Variants in DDX46 observed in about 807,000 individuals in gnomAD.
The protein encoded by DDX46 is probable ATP-dependent RNA helicase DDX46.
DDX46 carries 30 observed loss-of-function variants against 134.9 expected under a neutral mutation model. The ratio of observed to expected loss-of-function variants is 0.22; its 90% CI spans 0.17 to 0.30. The LOEUF is 0.30. Among genes scored for constraint, DDX46 ranks in the 10% least tolerant of loss-of-function variants. The probability of loss-of-function intolerance (pLI) is 1.00; values close to 1 mark genes in which losing one functional copy is unlikely to be tolerated. For synonymous variants in DDX46, 415 were observed against 404.1 expected, an observed-to-expected ratio of 1.03 and a Z score of -0.32; for missense variants, 622 against 1,248.7, an observed-to-expected ratio of 0.50 and a Z score of 7.56.
intron 15 of DDX46, among the ~76,000 whole-genome samples, chr5:134,805,737 T>C (rs149963621): frequency 0.012 from 1,794 of 151,620 alleles, 25 homozygotes; most frequent in African/African-American, 0.041. Flanking sequence ...TTCACCATGT[T>C]GACCAGGCTG....
chr5:134,830,177 AAAAAAAAG>A lies in DDX46; in HGVS notation c.*1482_*1489del, dbSNP rs1340271767. 1.3e-5 allele frequency: 2 copies of A among 151,026 alleles called. No individual in the cohort carries two copies. Among genetic ancestry groups the A allele is most frequent in the Non-Finnish European group, 3.0e-5 (2 of 67,562 alleles). 9.4% of individuals were successfully genotyped at this position (151,026 alleles called of 1,614,324 possible). A position where few individuals can be genotyped will look rare whatever the true frequency, so the allele number is the denominator to read the frequency against. ...ACCACAGATCAAAAATAGAAAAAAA[AAAAAAAAG>A]AAAAAAAGAATGTAAAATTTTAAAA... is the stretch of plus-strand genomic sequence containing the variant. On this transcript the variant is annotated 3_prime_UTR_variant, in exon 23 of 23. Coordinates refer to ENST00000452510, the MANE Select transcript of DDX46 (RefSeq NM_001300860.2).
rs549671678 is a variant in DDX46 at position 134,803,349 on chromosome 5, A to G, written c.1955-4399A>G. ...CAACTGCTTAGATTTTTGCCTCATG[A>G]ATCTGTAGCTTAGGGGTCAGCCAGA... On this transcript the variant is annotated intron_variant, in intron 15 of 22. Coordinates refer to ENST00000452510, the MANE Select transcript of DDX46 (RefSeq NM_001300860.2). Among the ~76,000 whole-genome samples the G allele has an allele frequency of 5.9e-5, 9 of 151,992 alleles. No homozygotes were observed. In the South Asian group the frequency reaches 1.9e-3, roughly 32 times the overall value.
intron 20 of DDX46, among the ~76,000 whole-genome samples, chr5:134,818,304 G>A (rs1216753442): frequency 6.6e-6 from 1 of 151,350 alleles, no homozygotes; most frequent in Non-Finnish European, 1.5e-5. Context: ...ATGTTGGTCA[G>A]GCTGGTCTCG....
At chr5:134,811,901 A>C (rs919763723) in intron 18 of DDX46, 56 bp downstream of exon 18, 39 of 1,567,558 alleles carry the variant, frequency 2.5e-5, no homozygotes, top group African/African-American at 5.5e-5. Context: ...TTTGTACTGG[A>C]GGTCTTGCCA....
intron 5 of DDX46, among the ~76,000 whole-genome samples, chr5:134,775,437 T>G (rs570215186): frequency 6.6e-6 from 1 of 152,162 alleles, no homozygotes; most frequent in South Asian, 2.1e-4. Context: ...ATGTCTTTTT[T>G]TTTTCGCTCT....
intron 3 of DDX46, among the ~76,000 whole-genome samples, 184 bp from the exon 4 acceptor site, chr5:134,770,719 G>C (rs1019620040): frequency 3.2e-4 from 48 of 151,926 alleles, no homozygotes; most frequent in Non-Finnish European, 1.0e-4. Flanking sequence ...GTCTGTGACA[G>C]GAGAATCGCT....
intron 21 of DDX46, chr5:134,826,422 T>A (rs1291185814): frequency 6.6e-6 from 1 of 152,236 alleles, no homozygotes; most frequent in East Asian, 1.9e-4. Flanking sequence ...AGCATGCTTG[T>A]CTTAACTCTG....
In DDX46 at chr5:134,818,906, G is replaced by A; in HGVS notation, c.2879G>A (p.Ser960Asn). The change falls in exon 21 of 23, where the codon AGT becomes AAT. Residue 960 changes from serine to asparagine, a missense_variant. Physicochemically the swap from Ser to Asn is conservative, Grantham distance 46. This residue lies in a region of DDX46 where 76 missense variants were observed against 213.0 expected (regional missense o/e 0.36). Transcript: ENST00000452510. Reference sequence around the variant, plus strand: ...TCTAAGGAAGCTCTGCAGAGAATCAGTGAATACTCTGAAGCCGCAATTACA... The same window carrying A: ...TCTAAGGAAGCTCTGCAGAGAATCAATGAATACTCTGAAGCCGCAATTACA... ...VTSKEALQRI[S>N]EYSEAAITIR... The A allele has an allele frequency of 6.2e-7, 1 of 1,613,910 alleles. No homozygotes were observed. Among genetic ancestry groups the A allele is most frequent in the Non-Finnish European group, 8.5e-7 (1 of 1,179,920 alleles).
intron 15 of DDX46, among the ~76,000 whole-genome samples, chr5:134,798,428 C>T (rs1376107495): frequency 6.6e-6 from 1 of 151,870 alleles, no homozygotes; most frequent in East Asian, 1.9e-4. Context: ...TTCTTGAGCT[C>T]CTGACCTCAG....
intron 18 of DDX46, 113 bp from the exon 19 acceptor site, chr5:134,816,317 C>T (rs1755286927): frequency 1.0e-6 from 1 of 965,158 alleles, no homozygotes; most frequent in Non-Finnish European, 1.5e-6. Context: ...GTAAATATAA[C>T]TATCTGATTC....
At chr5:134,787,774 C>A (rs573567696) in intron 11 of DDX46, among the ~76,000 whole-genome samples, 9 of 152,150 alleles carry the variant, frequency 5.9e-5, no homozygotes, top group African/African-American at 2.2e-4. Flanking sequence ...TTTTGGGAGG[C>A]TGAAATGGAA....
chr5:134,816,946 A>G (rs1755302179), intron 19 of DDX46: 1 of 219,374 alleles, frequency 4.6e-6, no homozygotes, highest in Non-Finnish European at 8.9e-6. Context: ...CCCTGGATAT[A>G]CAAACACCCA....
At chr5:134,810,435 G>A (rs939117784) in intron 16 of DDX46, among the ~76,000 whole-genome samples, 1 of 151,514 alleles carries the variant, frequency 6.6e-6, no homozygotes, top group African/African-American at 2.4e-5. Flanking sequence ...CGTCTCCCAG[G>A]ATCAAGTGAT....
At chr5:134,765,269 G>A (rs1753529875) in intron 2 of DDX46, among the ~76,000 whole-genome samples, 1 of 151,258 alleles carries the variant, frequency 6.6e-6, no homozygotes, top group African/African-American at 2.4e-5. Flanking sequence ...AAGTTGGCCA[G>A]GTATGGTGGC....
chr5:134,761,978 AGGT>A (rs1753400957), intron 1 of DDX46, among the ~76,000 whole-genome samples: 1 of 152,082 alleles, frequency 6.6e-6, no homozygotes. Flanking sequence ...ACATTAGGCC[AGGT>A]GCAGTGGCTC....
At position 134,828,640 on chromosome 5, in the gene DDX46, C is replaced by G; in HGVS notation, c.3052-19C>G. ...TGTTTTGCTTTCTCTGATGACATAT[C>G]TTTTATTTCCTATTACAGCAAAATT... is the stretch of plus-strand genomic sequence containing the variant. On this transcript the variant is annotated intron_variant, in intron 22 of 22. Transcript: ENST00000452510. The G allele has an allele frequency of 7.1e-7, 1 of 1,414,968 alleles. No homozygotes were observed. The highest frequency in any genetic ancestry group is 1.5e-5 in the South Asian group (1 of 64,780). The allele number at this position is 1,414,968 out of a possible 1,614,324, so 87.7% of individuals were successfully genotyped here.
At chr5:134,782,801 A>G (rs147596950) in intron 8 of DDX46, 144 bp from the exon 9 acceptor site, 2 of 992,084 alleles carry the variant, frequency 2.0e-6, no homozygotes, top group African/African-American at 3.3e-5. Context: ...TCTGTCTCCC[A>G]AAGTGCTAGT....
In DDX46 at chr5:134,797,188, A is replaced by AAAAAAC. The variant is rs1561865690; in HGVS notation, c.1954+1043_1954+1044insCAAAAA. ...GTCTCAAAAAAAAAAAAAAAAAAAA[A>AAAAAAC]AAAAAAAAACACAAAACACATGGAA... On this transcript the variant is annotated intron_variant, in intron 15 of 22. Transcript: ENST00000452510. 1.0e-4 allele frequency: 29 copies of AAAAAAC among 286,954 alleles called. 1 individual carries two copies. Among genetic ancestry groups the AAAAAAC allele is most frequent in the Middle Eastern group, 7.9e-4 (1 of 1,258 alleles). 17.8% of individuals were successfully genotyped at this position (286,954 alleles called of 1,614,324 possible).
chr5:134,770,481 T>C (rs1484122644), intron 3 of DDX46, among the ~76,000 whole-genome samples: 1 of 152,158 alleles, frequency 6.6e-6, no homozygotes, highest in African/African-American at 2.4e-5. Context: ...CCCAAAGTGC[T>C]GGGTATATAA....
Sources: gnomAD v4.1 joint callset for allele counts (sites outside exome capture counted in the v4.1 genomes callset) on GRCh38, gnomAD v4.1.1 for gene constraint, gnomAD v4.1.1 regional missense constraint, MANE v1.5 for transcripts, NCBI Gene and HGNC (gene_info 2026-07-23, HGNC 2026-07-21) for gene names.